Variants in RB1 observed in about 807,000 individuals in gnomAD.
RB1 encodes the protein RB transcriptional corepressor 1, also known as retinoblastoma-associated protein.
Under a neutral mutation model 135.4 loss-of-function variants are expected in RB1, and 18 were observed. The ratio of observed to expected loss-of-function variants is 0.13; its 90% CI spans 0.09 to 0.20. RB1 has a LOEUF of 0.20. RB1 is among the 10% of genes least tolerant of loss of function. The pLI, the probability that RB1 is intolerant of heterozygous loss-of-function variation, is 1.00. For missense variants in RB1, 868 were observed against 1,110.0 expected (o/e 0.78, Z 3.10); for synonymous variants, 365 against 373.2 (o/e 0.98, Z 0.25).
chr13:48,475,152 T>C (rs1386873987), intron 24 of RB1, among the ~76,000 whole-genome samples: 3 of 152,206 alleles, frequency 2.0e-5, no homozygotes, highest in Admixed American at 1.3e-4. Context: ...ATTACAGATG[T>C]GAGCCACTGC....
At chr13:48,304,301 T>A (rs1289725843) in intron 1 of RB1, among the ~76,000 whole-genome samples, 1 of 152,058 alleles carries the variant, frequency 6.6e-6, no homozygotes, top group Non-Finnish European at 1.5e-5. Context: ...CTGAGCGAAG[T>A]GACAGGTGCA....
intron 17 of RB1, among the ~76,000 whole-genome samples, chr13:48,399,022 A>G (rs1948669993): frequency 6.6e-6 from 1 of 152,100 alleles, no homozygotes; most frequent in South Asian, 2.1e-4. Context: ...ACTATATTAT[A>G]AAAGTAAATG....
intron 17 of RB1, among the ~76,000 whole-genome samples, chr13:48,382,392 A>C (rs922286756): frequency 2.0e-5 from 3 of 152,160 alleles, no homozygotes; most frequent in Admixed American, 2.0e-4. Flanking sequence ...TCGCCATTCT[A>C]ACTGGTGTGA....
chr13:48,366,197 C>A lies in RB1; in HGVS notation c.939+1226C>A, dbSNP rs4151498. On this transcript the variant is annotated intron_variant, in intron 9 of 26. Coordinates refer to ENST00000267163, the MANE Select transcript of RB1 (RefSeq NM_000321.3). ...TTGTTACCACTTTTGGTACCAAAAA[C>A]TAGGCTGTTCATAACTTTAAAATCT... Among the ~76,000 whole-genome samples, 846 of 152,216 alleles carry A rather than the reference C, an allele frequency of 5.6e-3. 5 individuals are homozygous for A. Among genetic ancestry groups the A allele is most frequent in the Middle Eastern group, 0.01 (3 of 294 alleles).
rs202151757 is a variant in RB1, at chr13:48,387,007, A to AGTTTTGGC, written c.1695+5567_1695+5574dup. Among the ~76,000 whole-genome samples, 1,515 of 152,294 alleles carry AGTTTTGGC rather than the reference A, an allele frequency of 9.9e-3. 35 individuals carry two copies. The highest frequency in any genetic ancestry group is 0.035 in the African/African-American group (1,437 of 41,572). On this transcript the variant is annotated intron_variant, in intron 17 of 26. Transcript: ENST00000267163. ...ACCTTTAAGAAACTATGACTTGTCG[A>AGTTTTGGC]GTTTTGGCGTAGTGTCAGAAAACAG... is the stretch of plus-strand genomic sequence containing the variant.
intron 17 of RB1, chr13:48,412,033 T>G: frequency 6.2e-7 from 1 of 1,613,302 alleles, no homozygotes; most frequent in Non-Finnish European, 8.5e-7. Context: ...TTTGCATTTC[T>G]TTTGGTTCTT....
intron 17 of RB1, among the ~76,000 whole-genome samples, chr13:48,397,483 G>A (rs113292447): frequency 0.011 from 1,619 of 152,166 alleles, 26 homozygotes; most frequent in African/African-American, 0.036. Flanking sequence ...TCACACACCG[G>A]GGCCTGTCAG....
chr13:48,426,463 T>C (rs1303792024), intron 17 of RB1: 1 of 152,232 alleles, frequency 6.6e-6, no homozygotes, highest in East Asian at 1.9e-4. Flanking sequence ...AAACCACATA[T>C]ATTTCTAAGT....
chr13:48,378,246 C>A (rs887425109), intron 13 of RB1, among the ~76,000 whole-genome samples: 3 of 152,122 alleles, frequency 2.0e-5, no homozygotes, highest in Non-Finnish European at 4.4e-5. Flanking sequence ...TTGTAAGAAA[C>A]TTTTGACTCT....
At chr13:48,353,487 G>A (rs1952566318) in intron 6 of RB1, among the ~76,000 whole-genome samples, 1 of 152,050 alleles carries the variant, frequency 6.6e-6, no homozygotes, top group Non-Finnish European at 1.5e-5. Flanking sequence ...GGACCTGATG[G>A]CTTCACTGCT....
At chr13:48,383,761 T>C (rs1461070437) in intron 17 of RB1, among the ~76,000 whole-genome samples, 3 of 152,022 alleles carry the variant, frequency 2.0e-5, no homozygotes, top group Non-Finnish European at 4.4e-5. Context: ...ATCTGGGTAA[T>C]TAAGTGAAAG....
rs181658818 is a variant in RB1 at position 48,305,705 on chromosome 13, C to T, written c.138-1575C>T. Among the ~76,000 whole-genome samples, 360 of 152,234 alleles carry T rather than the reference C, an allele frequency of 2.4e-3. 1 individual carries two copies. Among genetic ancestry groups the T allele is most frequent in the Non-Finnish European group, 6.6e-4 (45 of 68,018 alleles). On this transcript the variant is annotated intron_variant, in intron 1 of 26. Transcript: ENST00000267163. ...TACAGTCTGTTCTTGATTATCCATA[C>T]CCACAAAGGGTTTCATTAACATAGA... is the stretch of plus-strand genomic sequence containing the variant.
intron 2 of RB1, among the ~76,000 whole-genome samples, chr13:48,331,183 G>A (rs760365300): frequency 3.3e-5 from 5 of 152,214 alleles, no homozygotes; most frequent in African/African-American, 7.2e-5. Context: ...ATTATACTCA[G>A]TGGGGAAACC....
At chr13:48,411,450 A>C in intron 17 of RB1, 1 of 1,613,438 alleles carries the variant, frequency 6.2e-7, no homozygotes, top group Non-Finnish European at 8.5e-7. Flanking sequence ...ATGCTGAATA[A>C]AATTCTCTGC....
At chr13:48,336,038 T>G (rs897863481) in intron 2 of RB1, among the ~76,000 whole-genome samples, 1 of 152,194 alleles carries the variant, frequency 6.6e-6, no homozygotes, top group Non-Finnish European at 1.5e-5. Flanking sequence ...TGAAAAAAGT[T>G]GCATGGAGGT....
intron 2 of RB1, among the ~76,000 whole-genome samples, chr13:48,314,843 T>C (rs1204476476): frequency 6.6e-6 from 1 of 152,038 alleles, no homozygotes; most frequent in Non-Finnish European, 1.5e-5. Flanking sequence ...TACAGTACCA[T>C]TTTATTTATT....
chr13:48,374,354 T>C (rs576811951), intron 12 of RB1, among the ~76,000 whole-genome samples: 1 of 152,296 alleles, frequency 6.6e-6, no homozygotes, highest in East Asian at 1.9e-4. Context: ...GAAATGCTCA[T>C]CCACTAAAAT....
At chr13:48,313,745 C>CTTTTTTTTTTTTTTTT (rs56131979) in intron 2 of RB1, among the ~76,000 whole-genome samples, 6 of 101,952 alleles carry the variant, frequency 5.9e-5, no homozygotes, top group African/African-American at 7.7e-5. Flanking sequence ...TATGTTTATT[C>CTTTTTTTTTTTTTTTT]TTTTTTTTTT....
chr13:48,361,085 T>G (rs761558018), intron 7 of RB1, among the ~76,000 whole-genome samples: 8 of 151,804 alleles, frequency 5.3e-5, no homozygotes, highest in Admixed American at 2.0e-4. Flanking sequence ...AAGAAAGAAA[T>G]AAAAAAAATT....
Sources: gnomAD v4.1 joint callset for allele counts (sites outside exome capture counted in the v4.1 genomes callset) on GRCh38, gnomAD v4.1.1 for gene constraint, MANE v1.5 for transcripts, NCBI Gene and HGNC (gene_info 2026-07-23, HGNC 2026-07-21) for gene names.